The following BBS9 variants were observed in gnomAD, a reference collection of about 807,000 sequenced individuals.
BBS9 encodes the protein protein PTHB1.
A neutral mutation model predicts 117.7 loss-of-function variants in BBS9; 89 were observed. The ratio of observed to expected loss-of-function variants is 0.76; its 90% CI spans 0.64 to 0.90. BBS9 has a LOEUF of 0.90. BBS9 is among the 40% of genes least tolerant of loss of function. The probability of loss-of-function intolerance (pLI) is 0.00; values close to 1 mark genes in which losing one functional copy is unlikely to be tolerated. For missense variants in BBS9, 982 were observed against 1,042.2 expected, an observed-to-expected ratio of 0.94 and a Z score of 0.80; for synonymous variants, 379 against 370.9, an observed-to-expected ratio of 1.02 and a Z score of -0.25.
chr7:33,610,411 A>T (rs555173192), downstream of BBS9, among the ~76,000 whole-genome samples: 1 of 152,108 alleles, frequency 6.6e-6, no homozygotes, highest in Non-Finnish European at 1.5e-5. Context: ...AAGGTTTGGT[A>T]TCTGGTAAGG....
At chr7:33,249,810 G>T (rs1795953535) in intron 5 of BBS9, among the ~76,000 whole-genome samples, 1 of 152,078 alleles carries the variant, frequency 6.6e-6, no homozygotes, top group Non-Finnish European at 1.5e-5. Flanking sequence ...TTCATGCTCT[G>T]TTGGTGAAAC....
intron 5 of BBS9, among the ~76,000 whole-genome samples, chr7:33,241,779 T>G (rs1051190540): frequency 2.0e-5 from 3 of 152,106 alleles, no homozygotes; most frequent in Non-Finnish European, 4.4e-5. Flanking sequence ...ATTTCTGTTC[T>G]TTTAAAAATT....
At chr7:33,506,128 C>A in intron 20 of BBS9, among the ~76,000 whole-genome samples, 1 of 152,116 alleles carries the variant, frequency 6.6e-6, no homozygotes, top group East Asian at 1.9e-4. Context: ...AGTTTATAAA[C>A]TCTTTTACCC....
chr7:33,440,115 T>G (rs1026013791), intron 19 of BBS9, among the ~76,000 whole-genome samples: 1 of 152,206 alleles, frequency 6.6e-6, no homozygotes, highest in Non-Finnish European at 1.5e-5. Context: ...AAGACACTTA[T>G]GAAAACTCTT....
At chr7:33,325,387 G>T (rs1478879621) in intron 9 of BBS9, among the ~76,000 whole-genome samples, 2 of 152,058 alleles carry the variant, frequency 1.3e-5, no homozygotes, top group African/African-American at 4.8e-5. Flanking sequence ...TGTCTTCTCT[G>T]TGTTATCTTG....
intron 19 of BBS9, among the ~76,000 whole-genome samples, chr7:33,408,063 G>T (rs1306185382): frequency 6.6e-6 from 1 of 152,248 alleles, no homozygotes; most frequent in South Asian, 2.1e-4. Flanking sequence ...AGGCAGGCAG[G>T]CCTCCTGGAG....
intron 5 of BBS9, among the ~76,000 whole-genome samples, chr7:33,197,969 G>A (rs1785207914): frequency 6.6e-6 from 1 of 151,772 alleles, no homozygotes; most frequent in African/African-American, 2.4e-5. Flanking sequence ...ATTTCATATT[G>A]TACATAATTT....
intron 4 of BBS9, among the ~76,000 whole-genome samples, chr7:33,169,055 G>T (rs1169821695): frequency 6.6e-6 from 1 of 151,616 alleles, no homozygotes; most frequent in Non-Finnish European, 1.5e-5. Context: ...GTGAGAATAT[G>T]CGGTGTTTGG....
At chr7:33,602,464 C>G (rs187759171) in intron 21 of BBS9, among the ~76,000 whole-genome samples, 9 of 152,254 alleles carry the variant, frequency 5.9e-5, no homozygotes, top group Non-Finnish European at 1.3e-4. Context: ...CAGGGTGGCT[C>G]ACGCCTGTAA....
chr7:33,330,923 G>A (rs1050516278), intron 9 of BBS9, among the ~76,000 whole-genome samples: 2 of 152,130 alleles, frequency 1.3e-5, no homozygotes, highest in African/African-American at 2.4e-5. Context: ...TTAATTGATG[G>A]TTCTGTTCAG....
At chr7:33,549,415 C>A (rs188665484) in intron 21 of BBS9, among the ~76,000 whole-genome samples, 2,707 of 145,032 alleles carry the variant, frequency 0.019, 25 homozygotes, top group East Asian at 0.039. Flanking sequence ...ACAAAAGACA[C>A]AATTGACAAA....
chr7:33,617,914 C>T (rs1865220971), intron 21 of BBS9, among the ~76,000 whole-genome samples: 1 of 152,136 alleles, frequency 6.6e-6, no homozygotes, highest in Non-Finnish European at 1.5e-5. Context: ...AGCCAACTAA[C>T]ATATGCATTA....
intron 5 of BBS9, among the ~76,000 whole-genome samples, chr7:33,219,338 A>AC (rs1789741305): frequency 6.6e-6 from 1 of 152,146 alleles, no homozygotes; most frequent in Non-Finnish European, 1.5e-5. Flanking sequence ...CCCATCGACC[A>AC]CCCAAGGGCT....
intron 19 of BBS9, among the ~76,000 whole-genome samples, chr7:33,466,200 A>G (rs909409622): frequency 2.0e-5 from 3 of 152,148 alleles, no homozygotes; most frequent in Non-Finnish European, 2.9e-5. Flanking sequence ...TTTCAAGCGT[A>G]CAATACAGTA....
At chr7:33,578,872 G>A (rs1179349370) in intron 21 of BBS9, among the ~76,000 whole-genome samples, 1 of 152,128 alleles carries the variant, frequency 6.6e-6, no homozygotes, top group Non-Finnish European at 1.5e-5. Flanking sequence ...AATATACTTA[G>A]CAAAGCATAT....
chr7:33,167,989 C>A (rs1360566007), intron 4 of BBS9, among the ~76,000 whole-genome samples: 1 of 152,042 alleles, frequency 6.6e-6, no homozygotes, highest in Non-Finnish European at 1.5e-5. Context: ...ATAGCATATG[C>A]CCAGACATAC....
intron 21 of BBS9, among the ~76,000 whole-genome samples, chr7:33,540,248 C>T (rs1206049530): frequency 6.6e-6 from 1 of 152,066 alleles, no homozygotes; most frequent in South Asian, 2.1e-4. Flanking sequence ...AAATAGATTC[C>T]CTACCTCATC....
At position 33,238,280 on chromosome 7, in the gene BBS9, G is replaced by A. The variant is rs966202323; in HGVS notation, c.443-18956G>A. 4.6e-5 allele frequency among the ~76,000 whole-genome samples: 7 copies of A among 152,070 alleles called. No homozygotes were observed. In the East Asian group the frequency reaches 1.4e-3, roughly 30 times the overall value. On this transcript the variant is annotated intron_variant, in intron 5 of 22. Transcript: ENST00000242067. ...CTGAACTTCAGGAATAGTGGGGAGTGTGATTCCTCAAAGGTCTTTTTTTTT... is the reference window on the plus strand; with the variant it reads ...CTGAACTTCAGGAATAGTGGGGAGTATGATTCCTCAAAGGTCTTTTTTTTT...
At chr7:33,553,322 G>C (rs1854753157) in intron 21 of BBS9, among the ~76,000 whole-genome samples, 1 of 152,188 alleles carries the variant, frequency 6.6e-6, no homozygotes, top group East Asian at 1.9e-4. Flanking sequence ...AGCTACTATG[G>C]TATAGCTTAG....
Sources: allele counts gnomAD v4.1 joint callset (sites outside exome capture counted in the v4.1 genomes callset), GRCh38; gene constraint gnomAD v4.1.1; transcripts MANE v1.5; gene names NCBI Gene and HGNC (gene_info 2026-07-23, HGNC 2026-07-21).